The following TLK1 variants were observed in gnomAD, a reference collection of about 807,000 sequenced individuals.
The protein encoded by TLK1 is tousled like kinase 1, also known as serine/threonine-protein kinase tousled-like 1.
TLK1 carries 24 observed loss-of-function variants against 105.3 expected under a neutral mutation model. That is an observed-to-expected ratio of 0.23 (90% CI 0.17 to 0.32). TLK1 has a LOEUF of 0.32. TLK1 is among the 10% of genes least tolerant of loss of function. The probability of loss-of-function intolerance (pLI) is 1.00; values close to 1 mark genes in which losing one functional copy is unlikely to be tolerated. For missense variants in TLK1, 558 were observed against 910.5 expected, an observed-to-expected ratio of 0.61 and a Z score of 4.98; for synonymous variants, 321 against 310.4, an observed-to-expected ratio of 1.03 and a Z score of -0.36.
chr2:170,997,698 A>C lies in TLK1; in HGVS notation c.2016+14T>G. The C allele has an allele frequency of 6.6e-7, 1 of 1,525,582 alleles. No individual in the cohort carries two copies. Among genetic ancestry groups the C allele is most frequent in the Non-Finnish European group, 9.0e-7 (1 of 1,113,306 alleles). 94.5% of individuals were successfully genotyped at this position (1,525,582 alleles called of 1,614,324 possible). On this transcript the variant is annotated intron_variant, in intron 19 of 20. Transcript: ENST00000431350. ...TATCTCTGTAGAGCTGAAGGCTGGT[A>C]GAATTCAATTTACCTTTCTACCATA...
At chr2:171,029,422 G>A (rs1685934005) in intron 11 of TLK1, among the ~76,000 whole-genome samples, 1 of 152,120 alleles carries the variant, frequency 6.6e-6, no homozygotes, top group African/African-American at 2.4e-5. Context: ...TGGAGCCCAG[G>A]AATTCCAGAA....
chr2:171,087,523 A>G (rs535193092), intron 2 of TLK1, among the ~76,000 whole-genome samples: 1 of 152,276 alleles, frequency 6.6e-6, no homozygotes, highest in East Asian at 1.9e-4. Context: ...GGGTCATAAA[A>G]TGAGAAAAAT....
At chr2:171,097,561 G>A (rs944459532) in intron 2 of TLK1, among the ~76,000 whole-genome samples, 9 of 152,130 alleles carry the variant, frequency 5.9e-5, no homozygotes, top group African/African-American at 2.2e-4. Flanking sequence ...CAAAATATTT[G>A]CAAACCATGT....
chr2:171,157,787 G>A (rs1692295935), intron 1 of TLK1, among the ~76,000 whole-genome samples: 1 of 152,062 alleles, frequency 6.6e-6, no homozygotes, highest in African/African-American at 2.4e-5. Context: ...TGCCTAAAAG[G>A]AGTTCATCAC....
At chr2:171,150,183 A>C (rs1691976115) in intron 1 of TLK1, among the ~76,000 whole-genome samples, 1 of 152,166 alleles carries the variant, frequency 6.6e-6, no homozygotes, top group African/African-American at 2.4e-5. Context: ...CTGTTGGTAT[A>C]TGAGCTAAGT....
At position 171,193,362 on chromosome 2, in the gene TLK1, A is replaced by T. The variant is rs532692357; in HGVS notation, c.-6+37783T>A. ...AAATATGTCTCCATAGTGACTGTTA[A>T]TTTTTTTTGTTTGTTTTCTGTTATC... On this transcript the variant is annotated intron_variant, in intron 1 of 20. Transcript: ENST00000521943. Among the ~76,000 whole-genome samples, 376 of 149,942 alleles carry T rather than the reference A, an allele frequency of 2.5e-3. 1 individual carries two copies. Among genetic ancestry groups the T allele is most frequent in the African/African-American group, 8.9e-3 (362 of 40,784 alleles).
intron 4 of TLK1, among the ~76,000 whole-genome samples, chr2:171,059,137 A>G (rs1455589809): frequency 1.3e-5 from 2 of 152,210 alleles, no homozygotes; most frequent in African/African-American, 4.8e-5. Context: ...GAAATTTTGA[A>G]CATTAGTTCT....
chr2:171,206,551 G>A (rs1311492840), intron 1 of TLK1, among the ~76,000 whole-genome samples: 1 of 152,134 alleles, frequency 6.6e-6, no homozygotes, highest in East Asian at 1.9e-4. Context: ...GCATATACGG[G>A]TTCCAACAGT....
intron 3 of TLK1, among the ~76,000 whole-genome samples, chr2:171,063,332 C>T (rs140225956): frequency 7.1e-4 from 108 of 152,014 alleles, no homozygotes; most frequent in African/African-American, 2.4e-3. Flanking sequence ...GGTGACACAG[C>T]GAGACTCCAT....
chr2:171,183,579 A>G (rs12477413), intron 1 of TLK1, among the ~76,000 whole-genome samples: 6,865 of 152,156 alleles, frequency 0.045, 452 homozygotes, highest in East Asian at 0.29. Flanking sequence ...ATATATGTAT[A>G]TGTTGCAAAT....
At chr2:171,011,999 C>G (rs757673073) in intron 13 of TLK1, among the ~76,000 whole-genome samples, 2 of 151,576 alleles carry the variant, frequency 1.3e-5, no homozygotes, top group African/African-American at 4.9e-5. Context: ...TAAAATTTAC[C>G]GTACTTGCCA....
At position 171,108,457 on chromosome 2, in the gene TLK1, C is replaced by T. The variant is rs576328039; in HGVS notation, c.258+9282G>A. Among the ~76,000 whole-genome samples, 170 of 152,002 alleles carry T rather than the reference C, an allele frequency of 1.1e-3. 2 individuals carry two copies. The South Asian group carries it at 0.015, about 14-fold the overall frequency. ...TGTCCAATGGAAAACACGTAAAGTA[C>T]AAGAAGACATTAAGCAATAGATGGC... On this transcript the variant is annotated intron_variant, in intron 2 of 20. Transcript: ENST00000431350.
intron 1 of TLK1, among the ~76,000 whole-genome samples, chr2:171,139,911 C>T (rs1307061880): frequency 7.2e-5 from 11 of 152,114 alleles, no homozygotes; most frequent in Non-Finnish European, 1.6e-4. Context: ...AAGGAGCAAG[C>T]GACCTAGATC....
intron 2 of TLK1, among the ~76,000 whole-genome samples, chr2:171,108,174 C>T (rs1250182075): frequency 1.3e-5 from 2 of 151,804 alleles, no homozygotes; most frequent in African/African-American, 4.8e-5. Context: ...ACTGTTTACA[C>T]CTTTTAAATC....
At chr2:171,067,160 GTTT>G (rs11399480) in intron 3 of TLK1, among the ~76,000 whole-genome samples, 1 of 141,090 alleles carries the variant, frequency 7.1e-6, no homozygotes, top group Admixed American at 7.1e-5. Flanking sequence ...GTGCACTTAG[GTTT>G]TTTTTTTTTT....
chr2:171,202,113 GT>G (rs1259801461), intron 1 of TLK1, among the ~76,000 whole-genome samples: 1 of 152,200 alleles, frequency 6.6e-6, no homozygotes, highest in Non-Finnish European at 1.5e-5. Flanking sequence ...AGGATGCCAA[GT>G]TAAATTTGAA....
intron 2 of TLK1, among the ~76,000 whole-genome samples, chr2:171,095,587 A>G (rs181611593): frequency 6.6e-6 from 1 of 152,304 alleles, no homozygotes; most frequent in East Asian, 1.9e-4. Context: ...CCTCAACAAA[A>G]CACTAGCAAA....
At chr2:171,225,490 G>A (rs112666415) in intron 1 of TLK1, among the ~76,000 whole-genome samples, 4 of 152,136 alleles carry the variant, frequency 2.6e-5, no homozygotes, top group Non-Finnish European at 5.9e-5. Context: ...CAAGGATGTG[G>A]AGAAGTTGGA....
intron 1 of TLK1, among the ~76,000 whole-genome samples, chr2:171,123,884 A>G (rs1690763493): frequency 6.6e-6 from 1 of 151,126 alleles, no homozygotes; most frequent in East Asian, 1.9e-4. Context: ...AATGTCTTTT[A>G]ACAGAAACAG....
Sources: gnomAD v4.1 joint callset for allele counts (sites outside exome capture counted in the v4.1 genomes callset) on GRCh38, gnomAD v4.1.1 for gene constraint, MANE v1.5 for transcripts, NCBI Gene and HGNC (gene_info 2026-07-23, HGNC 2026-07-21) for gene names.